The following KLHL3 variants were observed in gnomAD, a reference collection of about 807,000 sequenced individuals.
KLHL3 encodes kelch like family member 3, also known as kelch-like protein 3.
A neutral mutation model predicts 70.5 loss-of-function variants in KLHL3; 19 were observed. The ratio of observed to expected loss-of-function variants is 0.27; its 90% CI spans 0.19 to 0.40. The LOEUF is 0.40. Among genes scored for constraint, KLHL3 ranks in the 10% least tolerant of loss-of-function variants. The probability of loss-of-function intolerance (pLI) is 1.00; values close to 1 mark genes in which losing one functional copy is unlikely to be tolerated. For synonymous variants in KLHL3, 258 were observed against 290.3 expected (o/e 0.89, Z 1.13); for missense variants, 512 against 771.1 (o/e 0.66, Z 3.98).
intron 8 of KLHL3, among the ~76,000 whole-genome samples, chr5:137,641,839 C>T (rs1442983368): frequency 6.6e-6 from 1 of 152,108 alleles, no homozygotes; most frequent in Non-Finnish European, 1.5e-5. Context: ...TCCAAAGGAA[C>T]CCAGGACACA....
chr5:137,622,787 C>T (rs564189482), intron 14 of KLHL3, among the ~76,000 whole-genome samples: 15 of 152,310 alleles, frequency 9.8e-5, no homozygotes, highest in Admixed American at 8.5e-4. Flanking sequence ...TATAAATCCA[C>T]GCATGACCCA....
At chr5:137,732,009 C>T (rs1753186539) in intron 1 of KLHL3, among the ~76,000 whole-genome samples, 1 of 152,180 alleles carries the variant, frequency 6.6e-6, no homozygotes, top group Non-Finnish European at 1.5e-5. Flanking sequence ...CTCCTCCCTC[C>T]CTCCAGCTCC....
chr5:137,657,822 C>T (rs560545995), intron 8 of KLHL3, among the ~76,000 whole-genome samples: 55 of 152,332 alleles, frequency 3.6e-4, no homozygotes, highest in Admixed American at 1.6e-3. Flanking sequence ...TCCTCTGCTT[C>T]CAACAGAAAT....
intron 3 of KLHL3, among the ~76,000 whole-genome samples, chr5:137,698,853 A>G (rs1752505722): frequency 1.3e-5 from 2 of 152,280 alleles, no homozygotes; most frequent in Admixed American, 1.3e-4. Flanking sequence ...TGTGATAACA[A>G]CAATAATAAG....
chr5:137,698,746 C>T (rs1256359636), intron 3 of KLHL3, among the ~76,000 whole-genome samples: 1 of 152,168 alleles, frequency 6.6e-6, no homozygotes, highest in Non-Finnish European at 1.5e-5. Flanking sequence ...AAGATATGCA[C>T]CTGTCCTTAA....
intron 1 of KLHL3, among the ~76,000 whole-genome samples, chr5:137,727,831 A>AGT (rs1207534997): frequency 6.6e-6 from 1 of 152,198 alleles, no homozygotes; most frequent in Non-Finnish European, 1.5e-5. Context: ...TGCCCCACAC[A>AGT]GTGTGTGCTG....
chr5:137,682,047 G>A (rs1396165596), intron 5 of KLHL3, among the ~76,000 whole-genome samples: 1 of 152,194 alleles, frequency 6.6e-6, no homozygotes, highest in African/African-American at 2.4e-5. Flanking sequence ...TGGGGGTACA[G>A]TTGGGTCTCG....
At position 137,692,410 on chromosome 5, in the gene KLHL3, T is replaced by A; in HGVS notation, c.401A>T (p.Asp134Val). 1 of 1,614,030 alleles carries A rather than the reference T, an allele frequency of 6.2e-7. No individual in the cohort carries two copies. Among genetic ancestry groups the A allele is most frequent in the Non-Finnish European group, 8.5e-7 (1 of 1,180,036 alleles). ...GAAGTCACAGCAGTTCTGCCGAACA[T>A]CCATGAGCTGCAGCAAGCTGGCTGC... ...LPAASLLQLM[D>V]VRQNCCDFLQ... Residue 134 changes from aspartate (D) to valine (V), a missense_variant, in exon 5 of 15, where the codon GAT becomes GTT. Transcript: ENST00000309755.
intron 3 of KLHL3, among the ~76,000 whole-genome samples, chr5:137,703,002 C>A (rs1187823791): frequency 6.6e-6 from 1 of 152,182 alleles, no homozygotes; most frequent in Non-Finnish European, 1.5e-5. Flanking sequence ...GAAAATCTTT[C>A]ATTATCACAG....
At chr5:137,703,865 T>C (rs1305494458) in intron 3 of KLHL3, among the ~76,000 whole-genome samples, 5 of 145,980 alleles carry the variant, frequency 3.4e-5, no homozygotes, top group South Asian at 4.5e-4. Context: ...TGTCATTACA[T>C]AGTGACTACA....
rs1750320267 is a variant in KLHL3, at chr5:137,621,995, C to T, written c.*103G>A. ...GAGGAGAGCGGTTCTCACAGCAGCA[C>T]AGACCCTCCCAAGCAAGTTGAATCC... On this transcript the variant is annotated 3_prime_UTR_variant, in exon 15 of 15. Coordinates refer to ENST00000309755, the MANE Select transcript of KLHL3 (RefSeq NM_017415.3). 6.3e-6 allele frequency: 8 copies of T among 1,261,104 alleles called. No individual in the cohort carries two copies. In the South Asian group the frequency reaches 8.4e-5, roughly 13 times the overall value. The allele number at this position is 1,261,104 out of a possible 1,614,324, so 78.1% of individuals were successfully genotyped here. A position where few individuals can be genotyped will look rare whatever the true frequency, so the allele number is the denominator to read the frequency against.
chr5:137,662,269 ACACACACACACACAC>A (rs999823874), intron 6 of KLHL3, among the ~76,000 whole-genome samples: 6 of 151,536 alleles, frequency 4.0e-5, no homozygotes, highest in African/African-American at 1.5e-4. Flanking sequence ...ACACACACAC[ACACACACACACACAC>A]AAGGACAAAC....
intron 6 of KLHL3, among the ~76,000 whole-genome samples, chr5:137,668,401 C>G (rs1751667527): frequency 1.3e-5 from 2 of 152,116 alleles, no homozygotes; most frequent in Admixed American, 1.3e-4. Context: ...CAGAGAGAGA[C>G]TCTGTCTCAA....
intron 11 of KLHL3, among the ~76,000 whole-genome samples, chr5:137,634,519 T>C (rs1019274762): frequency 6.6e-6 from 1 of 152,176 alleles, no homozygotes; most frequent in African/African-American, 2.4e-5. Flanking sequence ...CAGCACCAGA[T>C]AGATGGAAAG....
intron 5 of KLHL3, among the ~76,000 whole-genome samples, chr5:137,689,077 C>A (rs1409690379): frequency 2.0e-5 from 3 of 152,134 alleles, no homozygotes; most frequent in Admixed American, 6.5e-5. Flanking sequence ...GCCTGGGAGC[C>A]CTAATAAAGG....
chr5:137,679,740 T>A (rs751283707), intron 5 of KLHL3, among the ~76,000 whole-genome samples: 3 of 152,204 alleles, frequency 2.0e-5, no homozygotes, highest in Non-Finnish European at 4.4e-5. Context: ...AAACCCCTTC[T>A]TTCTGAAGTG....
intron 6 of KLHL3, among the ~76,000 whole-genome samples, chr5:137,662,284 CAA>C (rs1751501902): frequency 1.4e-5 from 2 of 138,590 alleles, no homozygotes; most frequent in Admixed American, 7.1e-5. Context: ...CACACACACA[CAA>C]GGACAAACCT....
At chr5:137,684,905 A>G (rs1241775317) in intron 5 of KLHL3, among the ~76,000 whole-genome samples, 1 of 152,208 alleles carries the variant, frequency 6.6e-6, no homozygotes, top group Non-Finnish European at 1.5e-5. Flanking sequence ...ATCATAGCAA[A>G]GATCTGGGGA....
At chr5:137,654,981 A>G (rs1751302328) in intron 8 of KLHL3, among the ~76,000 whole-genome samples, 2 of 152,148 alleles carry the variant, frequency 1.3e-5, no homozygotes, top group African/African-American at 4.8e-5. Flanking sequence ...TTTTATGGGT[A>G]TATGAGGTAA....
Sources: gnomAD v4.1 joint callset for allele counts (sites outside exome capture counted in the v4.1 genomes callset) on GRCh38, gnomAD v4.1.1 for gene constraint, MANE v1.5 for transcripts, NCBI Gene and HGNC (gene_info 2026-07-23, HGNC 2026-07-21) for gene names.